Variants in MYO9A observed in about 807,000 individuals in gnomAD.
The protein encoded by MYO9A is unconventional myosin-IXa.
A neutral mutation model predicts 293.3 loss-of-function variants in MYO9A; 103 were observed. The ratio of observed to expected loss-of-function variants is 0.35; its 90% confidence interval spans 0.30 to 0.41. The LOEUF (loss-of-function observed/expected upper bound fraction) is 0.41, where lower values mean the gene tolerates loss of function less well. Ranked by LOEUF, MYO9A falls within the 10% of genes least tolerant of loss-of-function variation. The pLI, the probability that MYO9A is intolerant of heterozygous loss-of-function variation, is 1.00. For missense variants in MYO9A, 2,685 were observed against 3,033.0 expected (o/e 0.89, Z 2.69); for synonymous variants, 1,001 against 1,035.7 (o/e 0.97, Z 0.64).
chr15:71,906,473 A>G (rs943943909), intron 19 of MYO9A, among the ~76,000 whole-genome samples: 1 of 152,056 alleles, frequency 6.6e-6, no homozygotes. Context: ...TTTGGTTCAG[A>G]TATTTGGGAG....
intron 1 of MYO9A, among the ~76,000 whole-genome samples, chr15:72,097,598 A>G (rs2080105750): frequency 6.6e-6 from 1 of 152,228 alleles, no homozygotes; most frequent in Admixed American, 6.5e-5. Flanking sequence ...TATCAGAAGT[A>G]TGCCTGTATA....
At chr15:71,835,193 C>T (rs2054890363) in intron 39 of MYO9A, among the ~76,000 whole-genome samples, 2 of 152,178 alleles carry the variant, frequency 1.3e-5, no homozygotes, top group African/African-American at 2.4e-5. Flanking sequence ...GCAAACATCA[C>T]ACTTGGTGGT....
intron 18 of MYO9A, among the ~76,000 whole-genome samples, chr15:71,916,883 A>G (rs372872769): frequency 3.9e-5 from 6 of 152,202 alleles, no homozygotes; most frequent in East Asian, 1.9e-4. Flanking sequence ...CTAGTTTTGT[A>G]AATGCTCAGA....
chr15:71,935,965 T>A (rs1266069864), intron 16 of MYO9A, among the ~76,000 whole-genome samples: 1 of 151,426 alleles, frequency 6.6e-6, no homozygotes, highest in African/African-American at 2.4e-5. Context: ...CTAAGTCCTA[T>A]GAGACTCTAA....
At chr15:72,047,047 C>CA (rs1429241238) in intron 1 of MYO9A, among the ~76,000 whole-genome samples, 1 of 151,908 alleles carries the variant, frequency 6.6e-6, no homozygotes, top group Non-Finnish European at 1.5e-5. Context: ...AAGGATAAAG[C>CA]AAAAACAAGA....
intron 21 of MYO9A, 72 bp from the exon 22 acceptor site, chr15:71,903,135 A>G (rs781255508): frequency 6.4e-6 from 8 of 1,240,524 alleles, no homozygotes; most frequent in Non-Finnish European, 7.9e-6. Context: ...ACTAATTATC[A>G]TTCTATTAAT....
intron 39 of MYO9A, among the ~76,000 whole-genome samples, chr15:71,842,022 T>A (rs1169384096): frequency 6.6e-6 from 1 of 152,124 alleles, no homozygotes; most frequent in East Asian, 1.9e-4. Context: ...AAGAACTCTC[T>A]TTCTCTCTAT....
intron 4 of MYO9A, among the ~76,000 whole-genome samples, chr15:72,026,275 GA>G (rs35491673): frequency 0.22 from 14,360 of 63,940 alleles, 1,020 homozygotes; most frequent in East Asian, 0.4. Flanking sequence ...TCCGTCTCAA[GA>G]AAAAAAAAAA....
chr15:72,097,846 G>A (rs2080114922), intron 1 of MYO9A, among the ~76,000 whole-genome samples: 2 of 150,804 alleles, frequency 1.3e-5, no homozygotes, highest in South Asian at 4.2e-4. Context: ...GGAGACAGAG[G>A]TTGCGGTGAG....
At chr15:71,922,868 CTTTT>C (rs1290389374) in intron 18 of MYO9A, among the ~76,000 whole-genome samples, 1 of 151,774 alleles carries the variant, frequency 6.6e-6, no homozygotes, top group Non-Finnish European at 1.5e-5. Context: ...ATTTCTATGC[CTTTT>C]TTTTCTTTCT....
intron 39 of MYO9A, among the ~76,000 whole-genome samples, chr15:71,833,517 T>G (rs1322126104): frequency 1.3e-5 from 2 of 152,076 alleles, no homozygotes; most frequent in Non-Finnish European, 2.9e-5. Context: ...AAATAGACTA[T>G]AATCAGTACT....
At chr15:72,107,417 C>T (rs796233093) in intron 1 of MYO9A, among the ~76,000 whole-genome samples, 16 of 152,102 alleles carry the variant, frequency 1.1e-4, no homozygotes, top group African/African-American at 3.4e-4. Flanking sequence ...AGTATAGTGG[C>T]GCGCGCCTGT....
rs576087215 is a variant in MYO9A, at chr15:71,906,763, T to C, written c.2686-1757A>G. 2.8e-3 allele frequency among the ~76,000 whole-genome samples: 313 copies of C among 113,754 alleles called. 3 individuals carry two copies. Among genetic ancestry groups the C allele is most frequent in the Non-Finnish European group, 4.4e-3 (240 of 54,134 alleles). The allele number at this position is 113,754 out of a possible 152,430, so 74.6% of individuals were successfully genotyped here. Reference sequence around the variant, plus strand: ...CAGATAATATCCATTTCTTTCTTTTTTTTTTTTTTTTTTTTCCTGAGACAG... The same window carrying C: ...CAGATAATATCCATTTCTTTCTTTTCTTTTTTTTTTTTTTTCCTGAGACAG... On this transcript the variant is annotated intron_variant, in intron 19 of 41. Transcript: ENST00000356056.
At chr15:72,017,233 C>G (rs1209243085) in intron 6 of MYO9A, among the ~76,000 whole-genome samples, 1 of 151,878 alleles carries the variant, frequency 6.6e-6, no homozygotes, top group Admixed American at 6.6e-5. Context: ...AAGCTAGTCT[C>G]AAACTCCCAG....
At chr15:71,984,894 GTAT>G (rs1383638273) in intron 11 of MYO9A, among the ~76,000 whole-genome samples, 1 of 152,166 alleles carries the variant, frequency 6.6e-6, no homozygotes, top group East Asian at 1.9e-4. Flanking sequence ...ATCCACTGTG[GTAT>G]TATTATCTCA....
At chr15:71,828,804 T>C (rs1275243943) in intron 40 of MYO9A, among the ~76,000 whole-genome samples, 1 of 152,232 alleles carries the variant, frequency 6.6e-6, no homozygotes, top group Non-Finnish European at 1.5e-5. Flanking sequence ...AATATTCTCC[T>C]CTACTTTATC....
intron 32 of MYO9A, among the ~76,000 whole-genome samples, chr15:71,865,045 T>C (rs2056278007): frequency 1.3e-5 from 2 of 152,202 alleles, no homozygotes; most frequent in Admixed American, 1.3e-4. Context: ...CAGTGGTACA[T>C]GTTGATCATT....
chr15:72,027,162 T>C (rs2077699585), intron 4 of MYO9A, among the ~76,000 whole-genome samples: 1 of 152,204 alleles, frequency 6.6e-6, no homozygotes, highest in African/African-American at 2.4e-5. Flanking sequence ...AAAAAGTTAC[T>C]AATAGTTTTC....
intron 2 of MYO9A, among the ~76,000 whole-genome samples, chr15:72,043,684 G>A (rs531125826): frequency 6.6e-6 from 1 of 152,270 alleles, no homozygotes; most frequent in East Asian, 1.9e-4. Context: ...TCCCATATAT[G>A]GGTGGGCTGA....
Sources: gnomAD v4.1 joint callset for allele counts (sites outside exome capture counted in the v4.1 genomes callset) on GRCh38, gnomAD v4.1.1 for gene constraint, MANE v1.5 for transcripts, NCBI Gene and HGNC (gene_info 2026-07-23, HGNC 2026-07-21) for gene names.